The following RNF217 variants were observed in gnomAD, a reference collection of about 807,000 sequenced individuals.
RNF217 encodes the protein E3 ubiquitin-protein ligase RNF217.
RNF217 carries 31 observed loss-of-function variants against 57.8 expected under a neutral mutation model. The observed-to-expected ratio is 0.54, with a 90% CI of 0.40 to 0.72. The LOEUF (loss-of-function observed/expected upper bound fraction) is 0.72, where lower values mean the gene tolerates loss of function less well. RNF217 is among the 30% of genes least tolerant of loss of function. RNF217 has a pLI of 0.00. For missense variants in RNF217, 696 were observed against 708.3 expected, an observed-to-expected ratio of 0.98 and a Z score of 0.20; for synonymous variants, 313 against 294.0, an observed-to-expected ratio of 1.06 and a Z score of -0.66.
rs998942762 is a variant in RNF217, at chr6:125,091,941, A to G, written c.*9004A>G. 6.6e-6 allele frequency: 1 copy of G among 152,158 alleles called. No individual in the cohort carries two copies. The highest frequency in any genetic ancestry group is 6.5e-5 in the Admixed American group (1 of 15,272). 9.4% of individuals were successfully genotyped at this position (152,158 alleles called of 1,614,324 possible). On this transcript the variant is annotated 3_prime_UTR_variant, in exon 6 of 6. Transcript: ENST00000521654. ...TTATACAAAATGCTAGGTTTGTTATATTCTTTATGTATCATAATATATAAT... is the reference window on the plus strand; with the variant it reads ...TTATACAAAATGCTAGGTTTGTTATGTTCTTTATGTATCATAATATATAAT...
intron 1 of RNF217, among the ~76,000 whole-genome samples, chr6:125,027,210 T>C (rs1192196334): frequency 1.3e-5 from 2 of 152,174 alleles, no homozygotes; most frequent in Non-Finnish European, 2.9e-5. Context: ...TTATTGACTG[T>C]AGTGATCCTA....
intron 2 of RNF217, among the ~76,000 whole-genome samples, chr6:125,052,701 A>AT (rs371677071): frequency 3.0e-4 from 45 of 152,178 alleles, no homozygotes; most frequent in African/African-American, 1.1e-3. Flanking sequence ...ATCAAGACTC[A>AT]TTTTCTCCTC....
At chr6:125,077,140 G>A (rs1368258773) in intron 4 of RNF217, among the ~76,000 whole-genome samples, 1 of 152,088 alleles carries the variant, frequency 6.6e-6, no homozygotes, top group East Asian at 1.9e-4. Context: ...CCTGTCGTAA[G>A]CCACTTAACA....
chr6:124,987,873 A>G (rs557748629), intron 1 of RNF217, among the ~76,000 whole-genome samples: 2 of 152,310 alleles, frequency 1.3e-5, no homozygotes, highest in Admixed American at 6.5e-5. Flanking sequence ...ATTAACTTGT[A>G]CATTCTGCGG....
chr6:125,083,024 C>A lies in RNF217; in HGVS notation c.*87C>A. The A allele has an allele frequency of 1.2e-6, 1 of 863,016 alleles. No individual in the cohort carries two copies. 53.5% of individuals were successfully genotyped at this position (863,016 alleles called of 1,614,324 possible). On this transcript the variant is annotated 3_prime_UTR_variant, in exon 6 of 6. Transcript: ENST00000521654. Reference sequence around the variant, plus strand: ...CATCTGTGAGTCACATCTTGAAAAACACTGAGAGGAACCTTCTACCATCTC... The same window carrying A: ...CATCTGTGAGTCACATCTTGAAAAAAACTGAGAGGAACCTTCTACCATCTC...
At chr6:125,057,899 C>A (rs1787580524) in intron 2 of RNF217, 43 bp from the exon 3 acceptor site, 1 of 1,497,512 alleles carries the variant, frequency 6.7e-7, no homozygotes, top group Non-Finnish European at 9.0e-7. Context: ...TAGACACTTT[C>A]AGTATATCCA....
At chr6:125,036,399 G>A (rs1334580589) in intron 1 of RNF217, among the ~76,000 whole-genome samples, 1 of 152,148 alleles carries the variant, frequency 6.6e-6, no homozygotes, top group Non-Finnish European at 1.5e-5. Flanking sequence ...GTGTGCATGT[G>A]TCTTTATAGT....
At chr6:125,048,283 A>AT in intron 2 of RNF217, 1 of 1,320,396 alleles carries the variant, frequency 7.6e-7, no homozygotes, top group Middle Eastern at 2.1e-4. Context: ...ATTTTGCAGT[A>AT]TTTTTAAAAA....
intron 1 of RNF217, among the ~76,000 whole-genome samples, chr6:124,974,386 G>A (rs547093285): frequency 6.6e-6 from 1 of 152,002 alleles, no homozygotes; most frequent in Admixed American, 6.6e-5. Context: ...TAACTTTGGT[G>A]GTGTGTTTTT....
At chr6:125,021,962 A>G (rs1785859738) in intron 1 of RNF217, among the ~76,000 whole-genome samples, 1 of 152,042 alleles carries the variant, frequency 6.6e-6, no homozygotes. Flanking sequence ...GCTCACTGCA[A>G]CTTCTGCCTC....
intron 1 of RNF217, among the ~76,000 whole-genome samples, chr6:124,967,367 A>G (rs1258700945): frequency 6.6e-6 from 1 of 152,198 alleles, no homozygotes; most frequent in East Asian, 1.9e-4. Context: ...CATTTCAGAA[A>G]TCTTCCACCA....
intron 1 of RNF217, chr6:125,009,407 T>C (rs568684910): frequency 1.6e-6 from 1 of 606,958 alleles, no homozygotes; most frequent in African/African-American, 1.8e-5. Context: ...TTTTTCACTT[T>C]CCTTGAGTAT....
chr6:124,988,448 T>C (rs1784435323), intron 1 of RNF217, among the ~76,000 whole-genome samples: 2 of 152,250 alleles, frequency 1.3e-5, no homozygotes, highest in African/African-American at 2.4e-5. Context: ...GAATGATTGT[T>C]AAATCCATGA....
chr6:124,973,939 C>T (rs887239559), intron 1 of RNF217, among the ~76,000 whole-genome samples: 1 of 152,244 alleles, frequency 6.6e-6, no homozygotes, highest in East Asian at 1.9e-4. Flanking sequence ...TGTCAGGTCA[C>T]TCACTTGGCT....
intron 1 of RNF217, among the ~76,000 whole-genome samples, chr6:125,002,250 G>A (rs1785017714): frequency 1.3e-5 from 2 of 152,142 alleles, no homozygotes; most frequent in African/African-American, 4.8e-5. Flanking sequence ...TGTGGCTGCT[G>A]AGGAATTTAG....
Position 125,090,599 on chromosome 6 carries a change from A to G in RNF217, c.*7662A>G, listed in dbSNP as rs1788909776. 1 of 151,734 alleles carries G rather than the reference A, an allele frequency of 6.6e-6. No individual in the cohort carries two copies. Among genetic ancestry groups the G allele is most frequent in the Admixed American group, 6.6e-5 (1 of 15,266 alleles). The allele number at this position is 151,734 out of a possible 1,614,324, so 9.4% of individuals were successfully genotyped here. On this transcript the variant is annotated 3_prime_UTR_variant, in exon 6 of 6. Coordinates refer to ENST00000521654, the MANE Select transcript of RNF217 (RefSeq NM_001286398.3). ...TCAGAATGTATTCCATTTTAATTAT[A>G]TTCTCCTTAACAATAGAAAATTAGA...
chr6:124,965,109 G>A (rs566377461), intron 1 of RNF217, among the ~76,000 whole-genome samples: 1 of 152,230 alleles, frequency 6.6e-6, no homozygotes, highest in South Asian at 2.1e-4. Context: ...TTTAGTAATG[G>A]TAGTAGGGAG....
intron 5 of RNF217, 25 bp downstream of exon 5, chr6:125,081,532 GA>G: frequency 6.4e-7 from 1 of 1,574,220 alleles, no homozygotes; most frequent in Non-Finnish European, 8.7e-7. Flanking sequence ...ATGCATCTGA[GA>G]TTAGAATTAT....
chr6:125,026,247 G>A (rs1223634329), intron 1 of RNF217, among the ~76,000 whole-genome samples: 1 of 152,166 alleles, frequency 6.6e-6, no homozygotes, highest in Non-Finnish European at 1.5e-5. Context: ...TGACACAGTG[G>A]CAATGTGTCC....
Sources: gnomAD v4.1 joint callset for allele counts (sites outside exome capture counted in the v4.1 genomes callset) on GRCh38, gnomAD v4.1.1 for gene constraint, MANE v1.5 for transcripts, NCBI Gene and HGNC (gene_info 2026-07-23, HGNC 2026-07-21) for gene names.